Variants in SOX5 observed in about 807,000 individuals in gnomAD.
SOX5 encodes SRY-box transcription factor 5.
SOX5 carries 9 observed loss-of-function variants against 92.0 expected under a neutral mutation model. The observed-to-expected ratio is 0.10, with a 90% CI of 0.06 to 0.17. SOX5 has a LOEUF of 0.17. Ranked by LOEUF, SOX5 falls within the 10% of genes least tolerant of loss-of-function variation. The pLI, the probability that SOX5 is intolerant of heterozygous loss-of-function variation, is 1.00. For missense variants in SOX5, 642 were observed against 944.5 expected (o/e 0.68, Z 4.20); for synonymous variants, 344 against 336.3 (o/e 1.02, Z -0.25).
chr12:24,037,225 A>T (rs1259948736), intron 4 of SOX5, among the ~76,000 whole-genome samples: 1 of 152,182 alleles, frequency 6.6e-6, no homozygotes, highest in Non-Finnish European at 1.5e-5. Context: ...GATAATTCAA[A>T]TGAATAACAT....
chr12:23,942,192 G>A (rs1199942890), intron 1 of SOX5, among the ~76,000 whole-genome samples: 1 of 151,752 alleles, frequency 6.6e-6, no homozygotes. Flanking sequence ...TCTCCTAGGT[G>A]AAGGAATATT....
At chr12:23,584,738 T>C (rs1416161718) in intron 9 of SOX5, 3 of 626,616 alleles carry the variant, frequency 4.8e-6, no homozygotes, top group Non-Finnish European at 8.6e-6. Flanking sequence ...TGAGTGTGTG[T>C]GTGTGTGTGT....
intron 1 of SOX5, among the ~76,000 whole-genome samples, chr12:23,897,633 A>T (rs535383305): frequency 8.5e-5 from 13 of 152,266 alleles, no homozygotes; most frequent in African/African-American, 3.1e-4. Context: ...AAAAAACAAA[A>T]ACACTCAAAC....
chr12:24,536,395 C>T (rs751371868), intron 1 of SOX5, among the ~76,000 whole-genome samples: 1 of 152,164 alleles, frequency 6.6e-6, no homozygotes, highest in Non-Finnish European at 1.5e-5. Flanking sequence ...GATTTAAGAC[C>T]CTTCCCTTCA....
Position 24,363,251 on chromosome 12 carries a change from A to T in SOX5, c.-174+5312T>A, listed in dbSNP as rs569623976. 8.0e-4 allele frequency among the ~76,000 whole-genome samples: 121 copies of T among 152,196 alleles called. 2 individuals carry two copies. Among genetic ancestry groups the T allele is most frequent in the African/African-American group, 2.6e-3 (110 of 41,536 alleles). ...TCTTGGTTTTACTGAGCAAAAAAAAATTAGTAATAATTTAGATTCATTTTT... is the reference window on the plus strand; with the variant it reads ...TCTTGGTTTTACTGAGCAAAAAAAATTTAGTAATAATTTAGATTCATTTTT... On this transcript the variant is annotated intron_variant, in intron 2 of 4. Coordinates refer to the SOX5 transcript ENST00000446891.
Position 24,287,584 on chromosome 12 carries a change from C to T in SOX5, c.-173-10272G>A, listed in dbSNP as rs941558499. On this transcript the variant is annotated intron_variant, in intron 2 of 4. Transcript: ENST00000446891. ...AAAGGGCATCTTAAAAACAGTGATT[C>T]TCAAATCCTTTTTTTTTTTTTTTTT... 1.2e-4 allele frequency among the ~76,000 whole-genome samples: 15 copies of T among 128,672 alleles called. No homozygotes were observed. In the South Asian group the frequency reaches 4.1e-3, roughly 35 times the overall value. The allele number at this position is 128,672 out of a possible 152,430, so 84.4% of individuals were successfully genotyped here.
intron 4 of SOX5, among the ~76,000 whole-genome samples, chr12:24,129,360 A>C (rs959477039): frequency 6.6e-6 from 1 of 152,000 alleles, no homozygotes; most frequent in East Asian, 1.9e-4. Flanking sequence ...AATGCTACGG[A>C]CTCTATTAAC....
intron 1 of SOX5, among the ~76,000 whole-genome samples, chr12:23,912,416 G>C (rs865898781): frequency 1.8e-4 from 27 of 152,134 alleles, no homozygotes; most frequent in Admixed American, 8.5e-4. Flanking sequence ...GTAAAATAGC[G>C]CAGCCACTTT....
intron 3 of SOX5, among the ~76,000 whole-genome samples, chr12:23,756,540 A>G (rs1196049712): frequency 6.6e-6 from 1 of 151,978 alleles, no homozygotes; most frequent in East Asian, 1.9e-4. Context: ...TCAGTTTCAA[A>G]CAATATAATT....
At chr12:24,488,356 A>C (rs1946727902) in intron 1 of SOX5, among the ~76,000 whole-genome samples, 1 of 152,182 alleles carries the variant, frequency 6.6e-6, no homozygotes, top group South Asian at 2.1e-4. Flanking sequence ...TGAGAGGCCA[A>C]GGCAGGAGGA....
At chr12:24,396,783 T>C (rs1485004280) in intron 1 of SOX5, among the ~76,000 whole-genome samples, 1 of 152,224 alleles carries the variant, frequency 6.6e-6, no homozygotes, top group Non-Finnish European at 1.5e-5. Context: ...AGCTAGAAGA[T>C]TGGTGAGCAC....
intron 2 of SOX5, among the ~76,000 whole-genome samples, chr12:24,315,174 CTTTTA>C (rs1228679834): frequency 1.3e-5 from 2 of 152,100 alleles, no homozygotes; most frequent in African/African-American, 2.4e-5. Flanking sequence ...TTCAATCTTT[CTTTTA>C]TTTTAACTCA....
chr12:24,398,445 A>G (rs1228353731), intron 1 of SOX5, among the ~76,000 whole-genome samples: 1 of 152,190 alleles, frequency 6.6e-6, no homozygotes, highest in Non-Finnish European at 1.5e-5. Context: ...CTGAGGCTAC[A>G]GTGAGCCAGG....
At chr12:23,932,514 G>A (rs1377240650) in intron 1 of SOX5, among the ~76,000 whole-genome samples, 3 of 151,614 alleles carry the variant, frequency 2.0e-5, no homozygotes, top group Non-Finnish European at 3.0e-5. Context: ...GATTATATAA[G>A]AGAATGACCT....
At chr12:23,761,635 A>T (rs1474446664) in intron 3 of SOX5, among the ~76,000 whole-genome samples, 3 of 152,156 alleles carry the variant, frequency 2.0e-5, no homozygotes, top group African/African-American at 4.8e-5. Flanking sequence ...TTTCCAGTTC[A>T]GTGTTCTTAA....
chr12:23,830,769 T>G (rs1398070690), intron 3 of SOX5, among the ~76,000 whole-genome samples: 2 of 152,182 alleles, frequency 1.3e-5, no homozygotes, highest in Non-Finnish European at 2.9e-5. Flanking sequence ...ATTAAAAAGT[T>G]GGTAAGATTA....
chr12:24,522,685 A>G (rs1219215608), intron 1 of SOX5, among the ~76,000 whole-genome samples: 1 of 152,080 alleles, frequency 6.6e-6, no homozygotes, highest in Non-Finnish European at 1.5e-5. Flanking sequence ...AGCATCTTAT[A>G]GATAAAGAAA....
intron 4 of SOX5, among the ~76,000 whole-genome samples, chr12:23,979,698 G>GTTTT (rs67253622): frequency 0.048 from 3,082 of 64,690 alleles, 1,052 homozygotes; most frequent in Admixed American, 0.072. Flanking sequence ...ATATATATAT[G>GTTTT]TTTTTTTTGT....
chr12:23,872,144 C>A (rs2136825761), intron 2 of SOX5, among the ~76,000 whole-genome samples: 1 of 145,844 alleles, frequency 6.9e-6, no homozygotes, highest in South Asian at 2.2e-4. Flanking sequence ...ACTACAGGCG[C>A]CCGCCACCAC....
Sources: gnomAD v4.1 joint callset for allele counts (sites outside exome capture counted in the v4.1 genomes callset) on GRCh38, gnomAD v4.1.1 for gene constraint, MANE v1.5 for transcripts, NCBI Gene and HGNC (gene_info 2026-07-23, HGNC 2026-07-21) for gene names.